Variants in EFR3B observed in about 807,000 individuals in gnomAD.
EFR3B encodes the protein EFR3 homolog B.
Under a neutral mutation model 104.7 loss-of-function variants are expected in EFR3B, and 64 were observed. The ratio of observed to expected loss-of-function variants is 0.61; its 90% confidence interval spans 0.50 to 0.75. The LOEUF is 0.75. Ranked by LOEUF, EFR3B falls within the 30% of genes least tolerant of loss-of-function variation. The pLI, the probability that EFR3B is intolerant of heterozygous loss-of-function variation, is 0.00. For synonymous variants in EFR3B, 385 were observed against 417.9 expected (o/e 0.92, Z 0.96); for missense variants, 750 against 1,078.5 (o/e 0.70, Z 4.27).
intron 1 of EFR3B, among the ~76,000 whole-genome samples, chr2:25,048,799 G>C (rs1573159899): frequency 6.6e-6 from 1 of 152,222 alleles, no homozygotes; most frequent in African/African-American, 2.4e-5. Flanking sequence ...GGCATTTGGG[G>C]CCACTACCAG....
intron 1 of EFR3B, among the ~76,000 whole-genome samples, chr2:25,073,781 G>T (rs1668559061): frequency 6.6e-6 from 1 of 152,092 alleles, no homozygotes. Flanking sequence ...AGTTTCTCTT[G>T]CCAGGACCCC....
intron 1 of EFR3B, among the ~76,000 whole-genome samples, chr2:25,057,714 G>A (rs867102516): frequency 5.9e-5 from 9 of 151,612 alleles, no homozygotes; most frequent in Non-Finnish European, 1.2e-4. Context: ...CCTGGGAGGC[G>A]GAGGTTGTAG....
At chr2:25,103,923 GT>G (rs1669495012) in intron 4 of EFR3B, 136 bp downstream of exon 4, 2 of 994,618 alleles carry the variant, frequency 2.0e-6, no homozygotes, top group East Asian at 2.7e-5. Flanking sequence ...CACACTGCTT[GT>G]TTTAGGGTCT....
rs186913798 is a variant in EFR3B at position 25,137,254 on chromosome 2, C to G, written c.1561-87C>G. On this transcript the variant is annotated intron_variant, in intron 14 of 22. Coordinates refer to ENST00000403714, the MANE Select transcript of EFR3B (RefSeq NM_014971.2). This position sits in a 1 kb window ranked among gnomAD's most constrained non-coding sequence, Gnocchi z 4.7. ...AGGGGGCACACAGCCATCCTGCCCC[C>G]CTTCAGATTGGTCTTCCTCCGTGTT... The G allele has an allele frequency of 1.4e-6, 2 of 1,454,014 alleles. No individual in the cohort carries two copies. The highest frequency in any genetic ancestry group is 2.5e-5 in the East Asian group (1 of 40,160). The allele number at this position is 1,454,014 out of a possible 1,614,324, so 90.1% of individuals were successfully genotyped here. A position where few individuals can be genotyped will look rare whatever the true frequency, so the allele number is the denominator to read the frequency against.
intron 1 of EFR3B, among the ~76,000 whole-genome samples, chr2:25,090,404 A>G (rs987685954): frequency 2.6e-5 from 4 of 152,226 alleles, no homozygotes; most frequent in Non-Finnish European, 4.4e-5. Flanking sequence ...AGAGTTGCCA[A>G]CTTCTAATTT....
In EFR3B at chr2:25,136,446, A is replaced by G; in HGVS notation, c.1485-77A>G. On this transcript the variant is annotated intron_variant, in intron 13 of 22. Transcript: ENST00000403714. The surrounding 1 kb of genome is among the most constrained non-coding windows in gnomAD (Gnocchi z 4.0). ...TTTGTACCAACTAACAATGTTGGGG[A>G]TAAAGCTCAGTGACCCCGTGTGAGC... 1 of 1,213,300 alleles carries G rather than the reference A, an allele frequency of 8.2e-7. No individual in the cohort carries two copies. Among genetic ancestry groups the G allele is most frequent in the Non-Finnish European group, 1.2e-6 (1 of 847,962 alleles). 75.2% of individuals were successfully genotyped at this position (1,213,300 alleles called of 1,614,324 possible).
intron 1 of EFR3B, among the ~76,000 whole-genome samples, chr2:25,056,564 T>C (rs1668029135): frequency 6.6e-6 from 1 of 151,718 alleles, no homozygotes; most frequent in Admixed American, 6.6e-5. Flanking sequence ...AGCAGCCTTG[T>C]GCACCTTCAG....
At chr2:25,090,957 TGA>T (rs1669095382) in intron 1 of EFR3B, among the ~76,000 whole-genome samples, 1 of 152,162 alleles carries the variant, frequency 6.6e-6, no homozygotes, top group South Asian at 2.1e-4. Flanking sequence ...TGTCTGTGTG[TGA>T]GTGTGTGTAA....
chr2:25,149,739 A>G lies in EFR3B; in HGVS notation c.2188A>G (p.Ile730Val). ...EITYETLKKA[I>V]VDSVAVEEQE... ...CACCTATGAGACACTGAAGAAAGCC[A>G]TTGGTAAGTCAGGGCAAAGGGACTC... Residue 730 changes from isoleucine (I) to valine (V), a missense_variant, in exon 20 of 23, where the codon ATT becomes GTT. Transcript: ENST00000403714. 6.4e-7 allele frequency: 1 copy of G among 1,551,476 alleles called. No homozygotes were observed. Among genetic ancestry groups the G allele is most frequent in the Non-Finnish European group, 8.7e-7 (1 of 1,146,832 alleles).
At chr2:25,133,280 GATAAGCC>G in intron 11 of EFR3B, 96 bp from the exon 12 acceptor site, 1 of 1,288,694 alleles carries the variant, frequency 7.8e-7, no homozygotes, top group Non-Finnish European at 1.1e-6. Context: ...AACCCAACAC[GATAAGCC>G]TCATGGAGAA....
chr2:25,051,516 C>A (rs564172696), intron 1 of EFR3B, among the ~76,000 whole-genome samples: 1 of 152,122 alleles, frequency 6.6e-6, no homozygotes, highest in Non-Finnish European at 1.5e-5. Flanking sequence ...CACTCCTTTG[C>A]GTACCATATT....
intron 4 of EFR3B, among the ~76,000 whole-genome samples, chr2:25,108,406 TG>T (rs1250640486): frequency 6.6e-6 from 1 of 152,216 alleles, no homozygotes; most frequent in Non-Finnish European, 1.5e-5. Flanking sequence ...TTAAATCTGA[TG>T]ATGCCAAGAT....
chr2:25,142,249 C>T (rs1464356798), intron 17 of EFR3B, among the ~76,000 whole-genome samples: 1 of 152,076 alleles, frequency 6.6e-6, no homozygotes, highest in Non-Finnish European at 1.5e-5. Context: ...TCGAGACCAT[C>T]CTGGCCAACA....
chr2:25,073,724 C>T (rs1668557620), intron 1 of EFR3B, among the ~76,000 whole-genome samples: 1 of 152,124 alleles, frequency 6.6e-6, no homozygotes, highest in Non-Finnish European at 1.5e-5. Context: ...AGCTCCCAGG[C>T]AAGCTTAGGT....
At chr2:25,051,105 T>G (rs1336305219) in intron 1 of EFR3B, among the ~76,000 whole-genome samples, 1 of 152,020 alleles carries the variant, frequency 6.6e-6, no homozygotes, top group Admixed American at 6.6e-5. Context: ...TGGATATGAT[T>G]TCTCTTTTTT....
chr2:25,055,760 T>C (rs1459979711), intron 1 of EFR3B, among the ~76,000 whole-genome samples: 3 of 126,020 alleles, frequency 2.4e-5, no homozygotes, highest in Non-Finnish European at 5.0e-5. Flanking sequence ...TAGCACCTTA[T>C]AGCTGCTCAC....
At chr2:25,109,552 A>G (rs1440526388) in intron 4 of EFR3B, among the ~76,000 whole-genome samples, 3 of 152,250 alleles carry the variant, frequency 2.0e-5, no homozygotes, top group African/African-American at 7.2e-5. Flanking sequence ...CAGGTTCTCA[A>G]ACAAATAGTT....
chr2:25,084,354 C>T lies in EFR3B; in HGVS notation c.8-6971C>T, dbSNP rs542341762. Among the ~76,000 whole-genome samples the T allele has an allele frequency of 6.6e-5, 10 of 152,060 alleles. No individual in the cohort carries two copies. In the South Asian group the frequency reaches 1.5e-3, roughly 22 times the overall value. On this transcript the variant is annotated intron_variant, in intron 1 of 22. Coordinates refer to ENST00000403714, the MANE Select transcript of EFR3B (RefSeq NM_014971.2). ...CAGATTCAAGCGATTCTTGTGCCTC[C>T]GCCTCCCGAATAGCTGGGATTACAG...
intron 1 of EFR3B, among the ~76,000 whole-genome samples, chr2:25,070,983 C>T (rs776883212): frequency 8.5e-5 from 13 of 152,224 alleles, no homozygotes; most frequent in African/African-American, 1.2e-4. Flanking sequence ...TTTTTTGAGA[C>T]GGAGTCTCGC....
Sources: gnomAD v4.1 joint callset for allele counts (sites outside exome capture counted in the v4.1 genomes callset) on GRCh38, gnomAD v4.1.1 for gene constraint, Gnocchi (gnomAD v3.1) non-coding constraint, MANE v1.5 for transcripts, NCBI Gene and HGNC (gene_info 2026-07-23, HGNC 2026-07-21) for gene names.